ERMP1: variants seen among roughly 807,000 people sequenced by gnomAD.
ERMP1 encodes the protein Felix-ina.
In ERMP1, 86 loss-of-function variants were observed where a neutral mutation model predicts 92.0. That is an observed-to-expected ratio of 0.93 (90% CI 0.79 to 1.12). ERMP1 has a LOEUF of 1.12. Among genes scored for constraint, ERMP1 ranks in the 50% most tolerant of loss-of-function variants. The pLI is 0.00. For missense variants in ERMP1, 1,342 were observed against 1,116.3 expected, an observed-to-expected ratio of 1.20 and a Z score of -2.88; for synonymous variants, 530 against 412.8, an observed-to-expected ratio of 1.28 and a Z score of -3.44.
Position 5,854,149 on chromosome 9 carries a change from T to G in ERMP1, n.3199+5319A>C, listed in dbSNP as rs907407086. 1.9e-4 allele frequency among the ~76,000 whole-genome samples: 29 copies of G among 151,958 alleles called. No individual in the cohort carries two copies. The East Asian group carries it at 3.9e-3, about 20-fold the overall frequency. ...TCCAGTGGGGAGAAAGAAGCTGCTG[T>G]GGGTGAAGTTTTACTGGGGATCTGG... is the stretch of plus-strand genomic sequence containing the variant. On this transcript the variant is annotated intron_variant and non_coding_transcript_variant, in intron 6 of 6. Transcript: ENST00000690753.
chr9:5,812,278 A>G (rs1829127149), intron 5 of ERMP1, 61 bp from the exon 6 acceptor site: 4 of 973,176 alleles, frequency 4.1e-6, no homozygotes, highest in African/African-American at 3.3e-5. Context: ...CTTGCTTTCG[A>G]CCTATTTCTT....
intron 6 of ERMP1, among the ~76,000 whole-genome samples, chr9:5,853,446 T>G (rs1830333849): frequency 6.6e-6 from 1 of 152,100 alleles, no homozygotes; most frequent in Admixed American, 6.6e-5. Context: ...GGGGTTTCAG[T>G]GTTGATCTCC....
Position 5,801,320 on chromosome 9 carries a change from G to A in ERMP1, c.1923C>T (p.Phe641=), listed in dbSNP as rs759771377. The change falls in exon 11 of 15, where the codon TTC becomes TTT. Residue 641 remains phenylalanine (F), a synonymous_variant. Transcript: ENST00000339450. ...TMILSSYFIN[F]IYLAKSTKKT... ...TTTTTGTGCTCTTGGCAAGGTAGAT[G>A]AAGTTAATCTGAAACACAAACCACA... 2.5e-6 allele frequency: 4 copies of A among 1,609,914 alleles called. No homozygotes were observed. Among genetic ancestry groups the A allele is most frequent in the Non-Finnish European group, 1.7e-6 (2 of 1,178,552 alleles).
intron 13 of ERMP1, among the ~76,000 whole-genome samples, chr9:5,792,936 A>G (rs1336059194): frequency 1.3e-5 from 2 of 152,204 alleles, no homozygotes; most frequent in African/African-American, 4.8e-5. Context: ...AACAAAAGAA[A>G]GCACACTAGA....
intron 6 of ERMP1, among the ~76,000 whole-genome samples, chr9:5,843,693 G>C (rs1830196989): frequency 6.6e-6 from 1 of 152,204 alleles, no homozygotes; most frequent in South Asian, 2.1e-4. Flanking sequence ...TGAATAAGTA[G>C]CAGAACGCTT....
intron 2 of ERMP1, among the ~76,000 whole-genome samples, chr9:5,828,778 G>T (rs1298462476): frequency 6.6e-6 from 1 of 152,168 alleles, no homozygotes; most frequent in Non-Finnish European, 1.5e-5. Flanking sequence ...ATGAAGGGTA[G>T]AGGGGAAACT....
chr9:5,786,045 T>C lies in ERMP1; in HGVS notation c.*1099A>G, dbSNP rs567643276. On this transcript the variant is annotated 3_prime_UTR_variant, in exon 15 of 15. Transcript: ENST00000339450. ...GGATCTGAACCACCTACACGTACAGTGGTCTCATTCCAGTATAAGCCACAA... is the reference window on the plus strand; with the variant it reads ...GGATCTGAACCACCTACACGTACAGCGGTCTCATTCCAGTATAAGCCACAA... 4 of 152,284 alleles carry C rather than the reference T, an allele frequency of 2.6e-5. No homozygotes were observed. Among genetic ancestry groups the C allele is most frequent in the East Asian group, 3.9e-4 (2 of 5,174 alleles). 9.4% of individuals were successfully genotyped at this position (152,284 alleles called of 1,614,324 possible).
intron 6 of ERMP1, among the ~76,000 whole-genome samples, chr9:5,850,852 A>G (rs1386842200): frequency 1.3e-5 from 2 of 152,232 alleles, no homozygotes; most frequent in Non-Finnish European, 2.9e-5. Flanking sequence ...CCTTCTGGCC[A>G]TGTCCTAGCT....
At chr9:5,791,024 T>G (rs1828170249) in intron 13 of ERMP1, among the ~76,000 whole-genome samples, 1 of 152,190 alleles carries the variant, frequency 6.6e-6, no homozygotes, top group Non-Finnish European at 1.5e-5. Context: ...AAAGTGATAT[T>G]TAAAAATACT....
intron 2 of ERMP1, among the ~76,000 whole-genome samples, chr9:5,827,464 A>C (rs1373356405): frequency 6.6e-6 from 1 of 152,272 alleles, no homozygotes; most frequent in Non-Finnish European, 1.5e-5. Context: ...GGACAAGCTT[A>C]ATCTATTTGA....
At chr9:5,801,401 TTATTTTTA>T in intron 10 of ERMP1, 73 bp from the exon 11 acceptor site, 5 of 1,489,422 alleles carry the variant, frequency 3.4e-6, no homozygotes, top group Non-Finnish European at 4.6e-6. Flanking sequence ...TTAACTAACT[TTATTTTTA>T]ACAGTATTAC....
intron 5 of ERMP1, among the ~76,000 whole-genome samples, chr9:5,864,132 A>G (rs142432726): frequency 6.6e-6 from 1 of 152,228 alleles, no homozygotes; most frequent in Non-Finnish European, 1.5e-5. Context: ...TGTCAATTTG[A>G]CTGTTGGAAA....
At chr9:5,847,126 T>G (rs1174501887) in intron 6 of ERMP1, among the ~76,000 whole-genome samples, 1 of 152,226 alleles carries the variant, frequency 6.6e-6, no homozygotes, top group Non-Finnish European at 1.5e-5. Context: ...AATTTGCTGT[T>G]TAACTCACTG....
At chr9:5,840,908 T>G (rs967807367) in intron 6 of ERMP1, among the ~76,000 whole-genome samples, 1 of 152,194 alleles carries the variant, frequency 6.6e-6, no homozygotes, top group Non-Finnish European at 1.5e-5. Flanking sequence ...CAATAGAAAA[T>G]GCTTAGCCAA....
intron 5 of ERMP1, among the ~76,000 whole-genome samples, chr9:5,865,511 A>AAAT (rs58367366): frequency 2.7e-4 from 38 of 142,266 alleles, no homozygotes; most frequent in African/African-American, 8.9e-4. Flanking sequence ...CCATCTCAAA[A>AAAT]AATAATAATA....
chr9:5,793,706 G>T (rs748678732), intron 13 of ERMP1, among the ~76,000 whole-genome samples: 12 of 152,078 alleles, frequency 7.9e-5, no homozygotes, highest in Non-Finnish European at 1.2e-4. Flanking sequence ...ATAAAGAGGG[G>T]CAATGCATAA....
intron 10 of ERMP1, among the ~76,000 whole-genome samples, chr9:5,802,081 C>G (rs1262417845): frequency 6.6e-6 from 1 of 152,200 alleles, no homozygotes; most frequent in Non-Finnish European, 1.5e-5. Flanking sequence ...TATGTGAAAT[C>G]TGAAATTGTT....
chr9:5,820,111 C>T (rs1829474306), intron 4 of ERMP1, among the ~76,000 whole-genome samples: 1 of 152,120 alleles, frequency 6.6e-6, no homozygotes, highest in African/African-American at 2.4e-5. Flanking sequence ...CCAGCCTGGC[C>T]AACATGGTGA....
At position 5,784,619 on chromosome 9, in the gene ERMP1, C is replaced by T. The variant is rs1238707790; in HGVS notation, c.*2525G>A. 1 of 152,590 alleles carries T rather than the reference C, an allele frequency of 6.6e-6. No individual in the cohort carries two copies. The highest frequency in any genetic ancestry group is 1.5e-5 in the Non-Finnish European group (1 of 68,024). 9.5% of individuals were successfully genotyped at this position (152,590 alleles called of 1,614,324 possible). A position where few individuals can be genotyped will look rare whatever the true frequency, so the allele number is the denominator to read the frequency against. On this transcript the variant is annotated 3_prime_UTR_variant, in exon 15 of 15. Coordinates refer to ENST00000339450, the MANE Select transcript of ERMP1 (RefSeq NM_024896.3). ...TAACATTGTAAGGCAACAATTAATC[C>T]TCAGTAAGTCAGCAAACCAGTGACA...
Sources: allele counts gnomAD v4.1 joint callset (sites outside exome capture counted in the v4.1 genomes callset), GRCh38; gene constraint gnomAD v4.1.1; transcripts MANE v1.5; gene names NCBI Gene and HGNC (gene_info 2026-07-23, HGNC 2026-07-21).